Variants in DNAJC24 observed in about 807,000 individuals in gnomAD.
DNAJC24 encodes dnaJ homolog subfamily C member 24.
DNAJC24 carries 17 observed loss-of-function variants against 18.0 expected under a neutral mutation model. The ratio of observed to expected loss-of-function variants is 0.94; its 90% CI spans 0.65 to 1.42. The LOEUF (loss-of-function observed/expected upper bound fraction) is 1.42, where lower values mean the gene tolerates loss of function less well. Ranked by LOEUF, DNAJC24 falls within the 40% of genes most tolerant of loss-of-function variation. DNAJC24 has a pLI of 0.00. For synonymous variants in DNAJC24, 55 were observed against 57.7 expected (o/e 0.95, Z 0.21); for missense variants, 158 against 175.6 (o/e 0.90, Z 0.57).
At chr11:31,379,468 C>T (rs942719061) in intron 2 of DNAJC24, among the ~76,000 whole-genome samples, 3 of 152,120 alleles carry the variant, frequency 2.0e-5, no homozygotes, top group Admixed American at 6.5e-5. Context: ...GGTTGGGGAC[C>T]GCTGCTCTCG....
At chr11:31,378,627 AAGC>A (rs909148950) in intron 2 of DNAJC24, among the ~76,000 whole-genome samples, 7 of 152,214 alleles carry the variant, frequency 4.6e-5, no homozygotes, top group African/African-American at 1.7e-4. Flanking sequence ...TATTAAAAAA[AAGC>A]AGGCAGTCAG....
chr11:31,417,827 C>T (rs1189938343), intron 3 of DNAJC24, among the ~76,000 whole-genome samples: 1 of 152,030 alleles, frequency 6.6e-6, no homozygotes, highest in Non-Finnish European at 1.5e-5. Flanking sequence ...ATATTGCCCA[C>T]AGCCATATAT....
intron 2 of DNAJC24, among the ~76,000 whole-genome samples, chr11:31,401,189 A>G (rs1952597746): frequency 6.6e-6 from 1 of 152,240 alleles, no homozygotes; most frequent in Non-Finnish European, 1.5e-5. Flanking sequence ...ATCTCACGCC[A>G]GTCAGAATGG....
intron 2 of DNAJC24, among the ~76,000 whole-genome samples, chr11:31,381,811 A>T (rs1346151709): frequency 2.0e-5 from 3 of 152,068 alleles, no homozygotes; most frequent in Non-Finnish European, 4.4e-5. Context: ...TCCTGACCTC[A>T]GATGATCCGC....
In DNAJC24 at chr11:31,431,823, AAAAT is replaced by A. The variant is rs1168565091; in HGVS notation, c.*1426_*1429del. 1.3e-5 allele frequency: 2 copies of A among 150,792 alleles called. No individual in the cohort carries two copies. The highest frequency in any genetic ancestry group is 3.0e-5 in the Non-Finnish European group (2 of 67,456). The allele number at this position is 150,792 out of a possible 1,614,324, so 9.3% of individuals were successfully genotyped here. A position where few individuals can be genotyped will look rare whatever the true frequency, so the allele number is the denominator to read the frequency against. On this transcript the variant is annotated 3_prime_UTR_variant, in exon 5 of 5. Transcript: ENST00000465995. ...AGCAAGACTCTGTCTCAAAAAAAAT[AAAAT>A]AAAATAAATAAAAAAAGATATAGTA...
At chr11:31,407,719 A>G (rs1952670096) in intron 2 of DNAJC24, among the ~76,000 whole-genome samples, 1 of 144,956 alleles carries the variant, frequency 6.9e-6, no homozygotes, top group South Asian at 2.1e-4. Flanking sequence ...ATATATATAT[A>G]TATATAAAAT....
At chr11:31,422,826 CCTT>C (rs1413232472) in intron 3 of DNAJC24, among the ~76,000 whole-genome samples, 4 of 152,060 alleles carry the variant, frequency 2.6e-5, no homozygotes, top group Non-Finnish European at 4.4e-5. Flanking sequence ...TGTTTGTGCT[CCTT>C]CTTTGTAATT....
rs1200728479 is a variant in DNAJC24 at position 31,396,942 on chromosome 11, C to G, written c.112-17869C>G. ...TTAGTACTTTCTTGCCTTGTATTTGCTACTTCCCTCTCCCTGGAATACCTT... is the reference window on the plus strand; with the variant it reads ...TTAGTACTTTCTTGCCTTGTATTTGGTACTTCCCTCTCCCTGGAATACCTT... On this transcript the variant is annotated intron_variant, in intron 2 of 4. Coordinates refer to ENST00000465995, the MANE Select transcript of DNAJC24 (RefSeq NM_181706.5). Among the ~76,000 whole-genome samples, 3 of 152,100 alleles carry G rather than the reference C, an allele frequency of 2.0e-5. 1 individual carries two copies. Among genetic ancestry groups the G allele is most frequent in the Admixed American group, 1.3e-4 (2 of 15,264 alleles).
At chr11:31,392,805 G>A (rs756260262) in intron 2 of DNAJC24, among the ~76,000 whole-genome samples, 2 of 151,398 alleles carry the variant, frequency 1.3e-5, no homozygotes, top group Admixed American at 6.6e-5. Context: ...TGCCTCCCAG[G>A]TTCAAGAGAT....
chr11:31,380,186 A>T lies in DNAJC24; in HGVS notation c.111+9327A>T, dbSNP rs988482872. On this transcript the variant is annotated intron_variant, in intron 2 of 4. Coordinates refer to ENST00000465995, the MANE Select transcript of DNAJC24 (RefSeq NM_181706.5). ...TTATCACATAGTCTAGCTTAAAAGA[A>T]TTATAGCGTTTCAGAAACTGAAAGA... Among the ~76,000 whole-genome samples the T allele has an allele frequency of 2.0e-5, 3 of 152,360 alleles. No homozygotes were observed. The South Asian group carries it at 6.2e-4, about 32-fold the overall frequency.
chr11:31,399,941 G>A (rs1952584376), intron 2 of DNAJC24, among the ~76,000 whole-genome samples: 1 of 151,870 alleles, frequency 6.6e-6, no homozygotes, highest in Admixed American at 6.6e-5. Flanking sequence ...GCCCTGGTGT[G>A]TGTTGTTCCC....
chr11:31,385,701 A>G (rs1404239089), intron 2 of DNAJC24, among the ~76,000 whole-genome samples: 2 of 152,208 alleles, frequency 1.3e-5, no homozygotes, highest in Non-Finnish European at 2.9e-5. Context: ...CAAGATTGTG[A>G]AAAGGTGATA....
Position 31,429,215 on chromosome 11 carries a change from C to A in DNAJC24, c.320-1056C>A, listed in dbSNP as rs535251551. On this transcript the variant is annotated intron_variant, in intron 4 of 4. Transcript: ENST00000465995. ...TGGATTAGGTGAATGAATTCATTTT[C>A]CTTACTGATTAAAAAAAAAAAAAAC... 2.7e-5 allele frequency among the ~76,000 whole-genome samples: 4 copies of A among 150,158 alleles called. No individual in the cohort carries two copies. In the South Asian group the frequency reaches 6.3e-4, roughly 24 times the overall value.
At chr11:31,386,514 C>T (rs545716756) in intron 2 of DNAJC24, among the ~76,000 whole-genome samples, 2 of 152,120 alleles carry the variant, frequency 1.3e-5, no homozygotes, top group South Asian at 4.1e-4. Flanking sequence ...GGGGAACCTT[C>T]TGCCTTGAAG....
intron 2 of DNAJC24, among the ~76,000 whole-genome samples, chr11:31,388,451 A>G (rs586208): frequency 0.39 from 58,929 of 152,068 alleles, 11,842 homozygotes; most frequent in African/African-American, 0.47. Flanking sequence ...AGGCCAGGAA[A>G]GAGTAGCATG....
intron 2 of DNAJC24, among the ~76,000 whole-genome samples, chr11:31,403,516 T>G (rs1272338978): frequency 6.6e-6 from 1 of 152,196 alleles, no homozygotes; most frequent in African/African-American, 2.4e-5. Context: ...TCAAACATTT[T>G]TTGATTTGCA....
At chr11:31,396,084 C>G (rs1952540731) in intron 2 of DNAJC24, among the ~76,000 whole-genome samples, 1 of 152,190 alleles carries the variant, frequency 6.6e-6, no homozygotes, top group Non-Finnish European at 1.5e-5. Context: ...CAGCCCACTC[C>G]ATTTCACCAC....
chr11:31,389,534 G>A (rs1952467080), intron 2 of DNAJC24, among the ~76,000 whole-genome samples: 1 of 152,174 alleles, frequency 6.6e-6, no homozygotes, highest in Non-Finnish European at 1.5e-5. Flanking sequence ...GAGCTAAAGA[G>A]AGAGGTAGAA....
At chr11:31,418,991 A>G (rs1485247505) in intron 3 of DNAJC24, among the ~76,000 whole-genome samples, 1 of 152,112 alleles carries the variant, frequency 6.6e-6, no homozygotes, top group African/African-American at 2.4e-5. Flanking sequence ...TCTTAAACTC[A>G]AAATAAGAAT....
Sources: gnomAD v4.1 joint callset for allele counts (sites outside exome capture counted in the v4.1 genomes callset) on GRCh38, gnomAD v4.1.1 for gene constraint, MANE v1.5 for transcripts, NCBI Gene and HGNC (gene_info 2026-07-23, HGNC 2026-07-21) for gene names.